DOCK1: variants seen among roughly 807,000 people sequenced by gnomAD.
DOCK1 encodes the protein dedicator of cytokinesis 1, also known as dedicator of cytokinesis protein 1.
In DOCK1, 138 loss-of-function variants were observed where a neutral mutation model predicts 262.7. That is an observed-to-expected ratio of 0.53 (90% confidence interval 0.46 to 0.61). The LOEUF (loss-of-function observed/expected upper bound fraction) is 0.61, where lower values mean the gene tolerates loss of function less well. Ranked by LOEUF, DOCK1 falls within the 20% of genes least tolerant of loss-of-function variation. The pLI is 0.00. For synonymous variants in DOCK1, 866 were observed against 867.4 expected (o/e 1.00, Z 0.03); for missense variants, 1,908 against 2,370.7 (o/e 0.80, Z 4.05).
At chr10:127,261,634 TGTGTACCTGCATGTGTGTGCATGTGG>T (rs2060127603) in intron 29 of DOCK1, among the ~76,000 whole-genome samples, 1 of 62,064 alleles carries the variant, frequency 1.6e-5, no homozygotes. Context: ...TGTGTGTGCA[TGTGTACCTGCATGTGTGTGCATGTGG>T]GTGTGTGTGT....
chr10:127,336,201 G>A (rs533700868), intron 29 of DOCK1, among the ~76,000 whole-genome samples: 12 of 152,236 alleles, frequency 7.9e-5, no homozygotes, highest in African/African-American at 2.6e-4. Flanking sequence ...GATTGGCCCG[G>A]GGCATAGCTG....
At chr10:127,044,516 G>T (rs2044216734) in intron 21 of DOCK1, among the ~76,000 whole-genome samples, 1 of 152,200 alleles carries the variant, frequency 6.6e-6, no homozygotes, top group South Asian at 2.1e-4. Flanking sequence ...AGGGTGCATT[G>T]CAGGGCACTT....
intron 27 of DOCK1, among the ~76,000 whole-genome samples, chr10:127,237,482 A>AT (rs2134649323): frequency 6.6e-6 from 1 of 152,234 alleles, no homozygotes; most frequent in African/African-American, 2.4e-5. Flanking sequence ...CTTCCACTGT[A>AT]TTTTGTTAAG....
At chr10:127,316,186 T>G (rs1400170723) in intron 29 of DOCK1, among the ~76,000 whole-genome samples, 1 of 152,208 alleles carries the variant, frequency 6.6e-6, no homozygotes, top group Non-Finnish European at 1.5e-5. Context: ...TAAAATTTAC[T>G]CACGTAGCAA....
intron 27 of DOCK1, among the ~76,000 whole-genome samples, chr10:127,189,089 G>T (rs985171645): frequency 7.8e-4 from 119 of 152,334 alleles, no homozygotes; most frequent in African/African-American, 2.8e-3. Context: ...ACCTTGGGAT[G>T]TGTTGTGCAT....
intron 31 of DOCK1, among the ~76,000 whole-genome samples, chr10:127,354,253 G>T (rs1712823193): frequency 6.6e-6 from 1 of 152,204 alleles, no homozygotes; most frequent in Admixed American, 6.5e-5. Flanking sequence ...GAAGAGGTCT[G>T]CCCTGACTCT....
intron 29 of DOCK1, among the ~76,000 whole-genome samples, chr10:127,295,542 T>G (rs1354740611): frequency 6.6e-6 from 1 of 152,102 alleles, no homozygotes; most frequent in Non-Finnish European, 1.5e-5. Flanking sequence ...TAGAAATACC[T>G]AGGTGTGGTT....
intron 27 of DOCK1, among the ~76,000 whole-genome samples, chr10:127,149,715 A>T (rs2052299535): frequency 6.6e-6 from 1 of 152,210 alleles, no homozygotes; most frequent in Admixed American, 6.5e-5. Flanking sequence ...ATGACATTAC[A>T]ATGTGTGAAC....
chr10:127,282,911 T>C (rs559759070), intron 29 of DOCK1, among the ~76,000 whole-genome samples: 1 of 152,354 alleles, frequency 6.6e-6, no homozygotes, highest in Non-Finnish European at 1.5e-5. Flanking sequence ...GGGTCCTGCG[T>C]GTATCCTACC....
intron 38 of DOCK1, among the ~76,000 whole-genome samples, chr10:127,396,133 T>A (rs1447072064): frequency 1.2e-5 from 1 of 80,970 alleles, no homozygotes; most frequent in Admixed American, 1.1e-4. Context: ...CTGGGCTAGG[T>A]CACAGCTGCA....
intron 29 of DOCK1, among the ~76,000 whole-genome samples, chr10:127,268,454 C>T (rs530142187): frequency 4.1e-5 from 6 of 147,532 alleles, no homozygotes; most frequent in South Asian, 2.2e-4. Flanking sequence ...GAGCCGAGAT[C>T]GTGCCACTGC....
chr10:127,435,593 C>T (rs189760690), intron 48 of DOCK1, among the ~76,000 whole-genome samples: 24 of 152,202 alleles, frequency 1.6e-4, no homozygotes, highest in Non-Finnish European at 2.5e-4. Flanking sequence ...AGAAAATCCC[C>T]GGACTGGTTA....
chr10:127,195,245 C>T (rs1427666946), intron 27 of DOCK1, among the ~76,000 whole-genome samples: 2 of 152,178 alleles, frequency 1.3e-5, no homozygotes, highest in African/African-American at 2.4e-5. Context: ...GCTGCCCCGA[C>T]CCCGGGCTGC....
intron 2 of DOCK1, among the ~76,000 whole-genome samples, chr10:126,973,666 G>A (rs1480124326): frequency 2.6e-5 from 4 of 152,172 alleles, no homozygotes; most frequent in Non-Finnish European, 4.4e-5. Context: ...TCAGAGAAAT[G>A]CATTTGGAGA....
chr10:127,262,717 A>G (rs541998209), intron 29 of DOCK1, among the ~76,000 whole-genome samples: 6 of 152,176 alleles, frequency 3.9e-5, no homozygotes, highest in Non-Finnish European at 8.8e-5. Context: ...TTCCCTGTAC[A>G]TTCCCATTCT....
chr10:127,426,992 C>A (rs774726027), intron 47 of DOCK1, among the ~76,000 whole-genome samples: 1 of 152,178 alleles, frequency 6.6e-6, no homozygotes, highest in African/African-American at 2.4e-5. Context: ...CCCTGCTTTG[C>A]AGCTCAGAGT....
At chr10:127,154,600 C>T (rs1473393093) in intron 27 of DOCK1, among the ~76,000 whole-genome samples, 1 of 152,172 alleles carries the variant, frequency 6.6e-6, no homozygotes, top group African/African-American at 2.4e-5. Flanking sequence ...CTCTCTGGCT[C>T]TTTAGAGAAG....
chr10:127,199,962 C>T (rs1260381002), intron 27 of DOCK1, among the ~76,000 whole-genome samples: 1 of 152,198 alleles, frequency 6.6e-6, no homozygotes, highest in East Asian at 1.9e-4. Flanking sequence ...AAAGTGTCTC[C>T]AAACTAGCAA....
At chr10:127,324,260 G>A (rs2062662990) in intron 29 of DOCK1, among the ~76,000 whole-genome samples, 1 of 152,204 alleles carries the variant, frequency 6.6e-6, no homozygotes, top group African/African-American at 2.4e-5. Flanking sequence ...ATCAGCACCA[G>A]CCACGTCTCC....
Sources: allele counts gnomAD v4.1 joint callset (sites outside exome capture counted in the v4.1 genomes callset), GRCh38; gene constraint gnomAD v4.1.1; transcripts MANE v1.5; gene names NCBI Gene and HGNC (gene_info 2026-07-23, HGNC 2026-07-21).